The following C6 variants were observed in gnomAD, a reference collection of about 807,000 sequenced individuals.
The protein encoded by C6 is complement C6.
C6 carries 101 observed loss-of-function variants against 112.9 expected under a neutral mutation model. The ratio of observed to expected loss-of-function variants is 0.89; its 90% CI spans 0.76 to 1.06. The LOEUF is 1.06. Ranked by LOEUF, C6 falls within the 50% of genes least tolerant of loss-of-function variation. The pLI is 0.00. For missense variants in C6, 1,202 were observed against 1,104.6 expected (o/e 1.09, Z -1.25); for synonymous variants, 431 against 384.1 (o/e 1.12, Z -1.43).
chr5:41,217,883 T>C (rs1752249608), upstream of C6, among the ~76,000 whole-genome samples: 1 of 152,146 alleles, frequency 6.6e-6, no homozygotes, highest in African/African-American at 2.4e-5. Flanking sequence ...TTCTAGTTTG[T>C]TTCTTGTCCT....
chr5:41,149,328 CCCATTCTAACTGGCGGCCGTCTTGGCA>C lies in C6; in HGVS notation c.2509_2535del (p.Cys837_Trp845del). ...GATGAAAGTCTTGTCCTTTCAAGACCCCATTCTAACTGGCGGCCGTCTTGGCAGGAACCAATATGTAGAAAATGGAGT... is the reference window on the plus strand; with the variant it reads ...GATGAAAGTCTTGTCCTTTCAAGACCGGAACCAATATGTAGAAAATGGAGT... On this transcript the variant is annotated inframe_deletion, in exon 17 of 18. Coordinates refer to ENST00000337836, the MANE Select transcript of C6 (RefSeq NM_000065.5). 1 of 1,613,938 alleles carries C rather than the reference CCCATTCTAACTGGCGGCCGTCTTGGCA, an allele frequency of 6.2e-7. No homozygotes were observed. The highest frequency in any genetic ancestry group is 2.2e-5 in the East Asian group (1 of 44,864).
intron 9 of C6, among the ~76,000 whole-genome samples, chr5:41,165,082 T>A (rs73753103): frequency 0.071 from 10,838 of 152,248 alleles, 564 homozygotes; most frequent in African/African-American, 0.15. Flanking sequence ...ATGTAAGGTT[T>A]TAAAACATGT....
At chr5:41,222,401 G>A (rs1739229138) in intron 1 of C6, among the ~76,000 whole-genome samples, 1 of 151,664 alleles carries the variant, frequency 6.6e-6, no homozygotes, top group Non-Finnish European at 1.5e-5. Context: ...TAGTCATTCT[G>A]AAGTTTGCAT....
intron 1 of C6, among the ~76,000 whole-genome samples, chr5:41,220,262 C>T (rs946439847): frequency 6.6e-6 from 1 of 152,258 alleles, no homozygotes. Flanking sequence ...CTTCCCTGGA[C>T]AGCCCTCATT....
At chr5:41,191,792 C>T (rs1580155893) in intron 5 of C6, among the ~76,000 whole-genome samples, 1 of 140,340 alleles carries the variant, frequency 7.1e-6, no homozygotes, top group Admixed American at 6.9e-5. Context: ...ATTTCTAGGG[C>T]CTTTTTTTTT....
At chr5:41,200,228 C>T (rs1750910968) in intron 3 of C6, among the ~76,000 whole-genome samples, 1 of 152,130 alleles carries the variant, frequency 6.6e-6, no homozygotes, top group Admixed American at 6.6e-5. Context: ...CTCTTGAGTA[C>T]AGTAAATTCC....
At chr5:41,185,692 GT>G (rs1357065979) in intron 6 of C6, among the ~76,000 whole-genome samples, 1 of 152,082 alleles carries the variant, frequency 6.6e-6, no homozygotes, top group Non-Finnish European at 1.5e-5. Flanking sequence ...ATTTTTTGTG[GT>G]TATCTAAGAG....
intron 1 of C6, among the ~76,000 whole-genome samples, chr5:41,236,293 T>C (rs1435193667): frequency 6.1e-5 from 8 of 131,730 alleles, no homozygotes; most frequent in Non-Finnish European, 1.3e-4. Flanking sequence ...GCTTTCTACA[T>C]ATGGCTAGCC....
chr5:41,174,165 G>GATT (rs1748654114), intron 8 of C6, among the ~76,000 whole-genome samples: 2 of 152,108 alleles, frequency 1.3e-5, no homozygotes, highest in Non-Finnish European at 2.9e-5. Context: ...TATTTTTTAT[G>GATT]ACATTGGTCA....
At chr5:41,251,776 C>G (rs1334753853) in intron 1 of C6, among the ~76,000 whole-genome samples, 1 of 152,190 alleles carries the variant, frequency 6.6e-6, no homozygotes, top group Non-Finnish European at 1.5e-5. Context: ...TCCTTTCATT[C>G]TGGGATACTA....
chr5:41,161,651 A>G, intron 10 of C6, 42 bp downstream of exon 10: 1 of 1,540,710 alleles, frequency 6.5e-7, no homozygotes, highest in Non-Finnish European at 9.0e-7. Context: ...GCTGCTAGAG[A>G]ACTACTTTAG....
rs541027599 is a variant in C6 at position 41,142,837 on chromosome 5, C to A, written c.2793G>T (p.Lys931Asn). The change falls in exon 18 of 18, where the codon AAG (lysine) becomes AAT (asparagine). Residue 931 changes from lysine to asparagine, a missense_variant. Coordinates refer to ENST00000337836, the MANE Select transcript of C6 (RefSeq NM_000065.5). ...NRKMEILHPGKCLA is the reference protein window; with the variant it reads ...NRKMEILHPGNCLA Reference sequence around the variant, plus strand: ...AGCAGTAATTGTGCTAGGCCAAACACTTTCCAGGATGCAGTATTTCCATCT... The same window carrying A: ...AGCAGTAATTGTGCTAGGCCAAACAATTTCCAGGATGCAGTATTTCCATCT... 2.5e-6 allele frequency: 4 copies of A among 1,613,184 alleles called. No individual in the cohort carries two copies. Among genetic ancestry groups the A allele is most frequent in the Non-Finnish European group, 3.4e-6 (4 of 1,179,312 alleles).
At position 41,198,058 on chromosome 5, in the gene C6, T is replaced by C. The variant is rs775961488; in HGVS notation, c.445+1710A>G. On this transcript the variant is annotated intron_variant, in intron 4 of 17. Coordinates refer to ENST00000337836, the MANE Select transcript of C6 (RefSeq NM_000065.5). ...CAGCTGCAAATTCTCTAGTCTTTTATGCTTAAAATTAGGACTCTGAAAGAA... is the reference window on the plus strand; with the variant it reads ...CAGCTGCAAATTCTCTAGTCTTTTACGCTTAAAATTAGGACTCTGAAAGAA... 4.1e-4 allele frequency among the ~76,000 whole-genome samples: 62 copies of C among 152,194 alleles called. 1 individual carries two copies. Among genetic ancestry groups the C allele is most frequent in the Non-Finnish European group, 8.8e-5 (6 of 68,034 alleles).
chr5:41,240,035 A>T lies in C6; in HGVS notation c.-21+21159T>A, dbSNP rs560933005. On this transcript the variant is annotated intron_variant, in intron 1 of 17. Transcript: ENST00000263413. The stretch of plus-strand genomic sequence containing the variant: ...TTTTCTCTTGATGTTTTTAGAATTC[A>T]TTTTTTGTCTTTGACTTTTGACAGT... Among the ~76,000 whole-genome samples the T allele has an allele frequency of 3.5e-4, 53 of 152,074 alleles. No individual in the cohort carries two copies. In the South Asian group the frequency reaches 0.01, roughly 30 times the overall value.
At chr5:41,171,501 A>G (rs1198245948) in intron 9 of C6, among the ~76,000 whole-genome samples, 5 of 152,204 alleles carry the variant, frequency 3.3e-5, no homozygotes, top group African/African-American at 4.8e-5. Context: ...ATTGTAGCCT[A>G]TAGACTTTCC....
chr5:41,192,623 A>C (rs76762719), intron 5 of C6, among the ~76,000 whole-genome samples: 1,907 of 152,054 alleles, frequency 0.013, 44 homozygotes, highest in African/African-American at 0.044. Flanking sequence ...GTATCCAGGA[A>C]TTTATCCATT....
chr5:41,246,801 TA>T (rs1741049277), intron 1 of C6, among the ~76,000 whole-genome samples: 1 of 152,186 alleles, frequency 6.6e-6, no homozygotes, highest in African/African-American at 2.4e-5. Context: ...TGATGAGGAC[TA>T]AAATGATGAC....
chr5:41,238,952 A>G (rs768183749), intron 1 of C6, among the ~76,000 whole-genome samples: 3 of 152,118 alleles, frequency 2.0e-5, no homozygotes, highest in Non-Finnish European at 4.4e-5. Context: ...CTAAAAATCT[A>G]AAAGTCAACT....
intron 1 of C6, among the ~76,000 whole-genome samples, chr5:41,250,717 C>G (rs1054660171): frequency 3.3e-5 from 5 of 152,130 alleles, no homozygotes; most frequent in Non-Finnish European, 7.4e-5. Context: ...CCAGATGACC[C>G]CAGGTGAGCC....
Sources: gnomAD v4.1 joint callset for allele counts (sites outside exome capture counted in the v4.1 genomes callset) on GRCh38, gnomAD v4.1.1 for gene constraint, MANE v1.5 for transcripts, NCBI Gene and HGNC (gene_info 2026-07-23, HGNC 2026-07-21) for gene names.